ATP13A4: variants seen among roughly 807,000 people sequenced by gnomAD.
The protein encoded by ATP13A4 is ATPase 13A4.
A neutral mutation model predicts 142.5 loss-of-function variants in ATP13A4; 114 were observed. The ratio of observed to expected loss-of-function variants is 0.80; its 90% CI spans 0.69 to 0.93. ATP13A4 has a LOEUF of 0.93. Ranked by LOEUF, ATP13A4 falls within the 40% of genes least tolerant of loss-of-function variation. The probability of loss-of-function intolerance (pLI) is 0.00; values close to 1 mark genes in which losing one functional copy is unlikely to be tolerated. For synonymous variants in ATP13A4, 488 were observed against 514.8 expected, an observed-to-expected ratio of 0.95 and a Z score of 0.70; for missense variants, 1,392 against 1,454.0, an observed-to-expected ratio of 0.96 and a Z score of 0.69.
At chr3:193,448,982 G>A (rs1207082324) in intron 17 of ATP13A4, among the ~76,000 whole-genome samples, 1 of 151,984 alleles carries the variant, frequency 6.6e-6, no homozygotes, top group Non-Finnish European at 1.5e-5. Flanking sequence ...GAAAAAAAAC[G>A]GAGGTGCAAA....
intron 25 of ATP13A4, among the ~76,000 whole-genome samples, chr3:193,421,432 A>G (rs1468452091): frequency 2.0e-5 from 3 of 149,718 alleles, no homozygotes; most frequent in African/African-American, 7.4e-5. Flanking sequence ...TCAAGTAGAA[A>G]TGGAAGGACA....
chr3:193,530,355 G>C (rs1020024405), intron 1 of ATP13A4, among the ~76,000 whole-genome samples: 2 of 152,016 alleles, frequency 1.3e-5, no homozygotes, highest in Non-Finnish European at 2.9e-5. Context: ...TCAGAACTAG[G>C]TACAGGTTCA....
At chr3:193,541,159 G>T (rs1577065575) in intron 1 of ATP13A4, among the ~76,000 whole-genome samples, 2 of 149,068 alleles carry the variant, frequency 1.3e-5, no homozygotes, top group Admixed American at 6.8e-5. Context: ...TGAGGCAGGA[G>T]AATGGCGTGA....
chr3:193,431,935 G>A (rs1716000221), intron 25 of ATP13A4, among the ~76,000 whole-genome samples: 1 of 151,892 alleles, frequency 6.6e-6, no homozygotes, highest in African/African-American at 2.4e-5. Context: ...TCTGGCTAAT[G>A]GAAATGGAAT....
chr3:193,474,310 G>A (rs567844598), intron 8 of ATP13A4, among the ~76,000 whole-genome samples: 167 of 111,902 alleles, frequency 1.5e-3, no homozygotes, highest in African/African-American at 5.8e-3. Context: ...GTGACAGAGC[G>A]AGACTCCGTC....
Position 193,438,558 on chromosome 3 carries a change from G to C in ATP13A4, c.2589C>G (p.Ile863Met). The C allele has an allele frequency of 5.6e-6, 9 of 1,614,140 alleles. No homozygotes were observed. The highest frequency in any genetic ancestry group is 6.8e-6 in the Non-Finnish European group (8 of 1,180,012). ...CAGATGCCTCCTGCTCTGATAATGA[G>C]ATGCCCACATGAGCCATTTTCAGAG... ...CGALKMAHVG[I>M]SLSEQEASVA... Residue 863 changes from isoleucine (I) to methionine (M), a missense_variant, in exon 23 of 30, where the codon ATC becomes ATG. By Grantham distance (10) the Ile-to-Met change is conservative. Coordinates refer to ENST00000342695, the MANE Select transcript of ATP13A4 (RefSeq NM_032279.4).
rs192502623 is a variant in ATP13A4 at position 193,478,254 on chromosome 3, G to T, written c.808+5682C>A. ...TAAACCATACCCAAACCCAGCAGAAGAAAATAAATAACCAAGATCAGAGCA... is the reference window on the plus strand; with the variant it reads ...TAAACCATACCCAAACCCAGCAGAATAAAATAAATAACCAAGATCAGAGCA... On this transcript the variant is annotated intron_variant, in intron 8 of 29. Coordinates refer to ENST00000342695, the MANE Select transcript of ATP13A4 (RefSeq NM_032279.4). 2.5e-3 allele frequency among the ~76,000 whole-genome samples: 378 copies of T among 149,606 alleles called. 3 individuals carry two copies. Among genetic ancestry groups the T allele is most frequent in the African/African-American group, 9.0e-3 (365 of 40,498 alleles).
intron 1 of ATP13A4, among the ~76,000 whole-genome samples, chr3:193,541,689 A>T (rs1722940269): frequency 6.6e-6 from 1 of 152,094 alleles, no homozygotes; most frequent in Admixed American, 6.5e-5. Context: ...TACACCCTTC[A>T]CTATTTGCAG....
At chr3:193,548,817 C>T (rs1723371902) in intron 1 of ATP13A4, among the ~76,000 whole-genome samples, 1 of 152,192 alleles carries the variant, frequency 6.6e-6, no homozygotes, top group South Asian at 2.1e-4. Context: ...GTTATGTGCC[C>T]ATTACTAGGT....
rs562408290 is a variant in ATP13A4, at chr3:193,399,877, C to T, written c.*2775G>A. Among the ~76,000 whole-genome samples, 1 of 145,896 alleles carries T rather than the reference C, an allele frequency of 6.9e-6. No individual in the cohort carries two copies. Among genetic ancestry groups the T allele is most frequent in the Non-Finnish European group, 1.5e-5 (1 of 66,334 alleles). On this transcript the variant is annotated 3_prime_UTR_variant, in exon 30 of 30. Coordinates refer to ENST00000342695, the MANE Select transcript of ATP13A4 (RefSeq NM_032279.4). The stretch of plus-strand genomic sequence containing the variant: ...AAAAAAAAAAAAAAAAGGTTCACAT[C>T]ACAGCATAAGACTGAGACACTGGGT...
chr3:193,422,574 G>A (rs905532201), intron 25 of ATP13A4, among the ~76,000 whole-genome samples: 3 of 149,394 alleles, frequency 2.0e-5, no homozygotes, highest in Non-Finnish European at 3.0e-5. Context: ...AATGACAGGA[G>A]GACCTTCAGA....
intron 1 of ATP13A4, among the ~76,000 whole-genome samples, chr3:193,536,882 T>C (rs1722616848): frequency 1.3e-5 from 2 of 151,918 alleles, no homozygotes; most frequent in African/African-American, 4.8e-5. Context: ...AGAAATGAAA[T>C]ACATGTAAAT....
intron 8 of ATP13A4, among the ~76,000 whole-genome samples, chr3:193,482,543 G>C (rs1719354283): frequency 6.6e-6 from 1 of 152,164 alleles, no homozygotes; most frequent in South Asian, 2.1e-4. Context: ...TATCCAAAAT[G>C]TAGAATAAAC....
intron 21 of ATP13A4, chr3:193,440,339 G>T: frequency 1.2e-6 from 1 of 822,120 alleles, no homozygotes; most frequent in Non-Finnish European, 1.8e-6. Context: ...AAAAAATACT[G>T]ATTTTTTAAG....
At chr3:193,418,643 A>C (rs1715242820) in intron 25 of ATP13A4, among the ~76,000 whole-genome samples, 1 of 149,792 alleles carries the variant, frequency 6.7e-6, no homozygotes, top group Non-Finnish European at 1.5e-5. Context: ...GGACCCCAGC[A>C]GCCCCCATCA....
chr3:193,439,092 A>G (rs1254700336), intron 21 of ATP13A4, 27 bp from the exon 22 acceptor site: 2 of 1,572,388 alleles, frequency 1.3e-6, no homozygotes, highest in South Asian at 2.2e-5. Flanking sequence ...TTAATTGTAG[A>G]TGAGATCAAA....
intron 17 of ATP13A4, among the ~76,000 whole-genome samples, chr3:193,449,389 G>A (rs747305701): frequency 1.3e-5 from 2 of 152,178 alleles, no homozygotes; most frequent in Non-Finnish European, 2.9e-5. Flanking sequence ...CTCCTTGCCT[G>A]TCTCAATAGT....
intron 2 of ATP13A4, among the ~76,000 whole-genome samples, chr3:193,573,509 G>A (rs76941198): frequency 0.12 from 17,695 of 151,364 alleles, 1,327 homozygotes; most frequent in Non-Finnish European, 0.17. Context: ...TCTCACTGCC[G>A]CTGCAACAGG....
intron 2 of ATP13A4, among the ~76,000 whole-genome samples, chr3:193,566,013 C>T (rs1031797661): frequency 2.6e-5 from 4 of 152,158 alleles, no homozygotes; most frequent in Non-Finnish European, 5.9e-5. Context: ...ATGAGACTAT[C>T]ATGAGCATCA....
Sources: gnomAD v4.1 joint callset for allele counts (sites outside exome capture counted in the v4.1 genomes callset) on GRCh38, gnomAD v4.1.1 for gene constraint, MANE v1.5 for transcripts, NCBI Gene and HGNC (gene_info 2026-07-23, HGNC 2026-07-21) for gene names.